PDSS2: variants seen among roughly 807,000 people sequenced by gnomAD.
PDSS2 encodes the protein all trans-polyprenyl-diphosphate synthase PDSS2.
A neutral mutation model predicts 44.5 loss-of-function variants in PDSS2; 31 were observed. The observed-to-expected ratio is 0.70, with a 90% CI of 0.52 to 0.94. The LOEUF is 0.94. Ranked by LOEUF, PDSS2 falls within the 40% of genes least tolerant of loss-of-function variation. PDSS2 has a pLI of 0.00. For synonymous variants in PDSS2, 157 were observed against 180.3 expected (o/e 0.87, Z 1.03); for missense variants, 452 against 482.2 (o/e 0.94, Z 0.59).
intron 6 of PDSS2, among the ~76,000 whole-genome samples, chr6:107,204,797 C>G (rs1772916358): frequency 6.6e-6 from 1 of 152,180 alleles, no homozygotes; most frequent in South Asian, 2.1e-4. Context: ...TATCTTATCT[C>G]CTCTCTACTG....
intron 1 of PDSS2, among the ~76,000 whole-genome samples, chr6:107,402,567 A>ATG (rs1554276841): frequency 1.0e-5 from 1 of 95,860 alleles, no homozygotes; most frequent in Non-Finnish European, 2.2e-5. Flanking sequence ...ATATATATAC[A>ATG]TGTGTATATA....
chr6:107,375,834 G>A (rs1779268461), intron 1 of PDSS2, among the ~76,000 whole-genome samples: 1 of 152,142 alleles, frequency 6.6e-6, no homozygotes, highest in Non-Finnish European at 1.5e-5. Context: ...GATACACCAT[G>A]ACCAAGTACA....
chr6:107,448,527 G>T (rs886397850), intron 1 of PDSS2, among the ~76,000 whole-genome samples: 3 of 152,128 alleles, frequency 2.0e-5, no homozygotes, highest in African/African-American at 4.8e-5. Context: ...GACCACCTCA[G>T]CCTGGATTTC....
chr6:107,279,570 G>A (rs2114969787), intron 2 of PDSS2, among the ~76,000 whole-genome samples: 1 of 152,226 alleles, frequency 6.6e-6, no homozygotes, highest in Non-Finnish European at 1.5e-5. Flanking sequence ...CAGACCCGTG[G>A]TCTTCTTGTC....
chr6:107,237,897 GAAAAAAAA>G (rs71551306), intron 4 of PDSS2, among the ~76,000 whole-genome samples: 1 of 80,688 alleles, frequency 1.2e-5, no homozygotes, highest in African/African-American at 4.3e-5. Context: ...CTCCGTCTCT[GAAAAAAAA>G]AAAAAAAAAA....
chr6:107,391,677 C>A (rs928070423), intron 1 of PDSS2, among the ~76,000 whole-genome samples: 2 of 151,972 alleles, frequency 1.3e-5, no homozygotes, highest in Non-Finnish European at 2.9e-5. Flanking sequence ...GAATTACTGC[C>A]AAAGTTACTT....
intron 4 of PDSS2, among the ~76,000 whole-genome samples, chr6:107,221,785 G>C (rs148225965): frequency 2.6e-5 from 4 of 152,282 alleles, no homozygotes; most frequent in African/African-American, 9.6e-5. Flanking sequence ...AACTGCACTT[G>C]TAACAGTGGC....
intron 7 of PDSS2, among the ~76,000 whole-genome samples, chr6:107,188,378 CAA>C (rs112224781): frequency 7.8e-5 from 10 of 128,542 alleles, no homozygotes; most frequent in South Asian, 2.5e-4. Flanking sequence ...GACCCTGTCT[CAA>C]AAAAAAAAAA....
chr6:107,444,199 T>C (rs1209628800), intron 1 of PDSS2, among the ~76,000 whole-genome samples: 2 of 151,874 alleles, frequency 1.3e-5, no homozygotes, highest in East Asian at 3.9e-4. Flanking sequence ...AGCTACTTTT[T>C]AATTTTTTTT....
chr6:107,388,914 G>A (rs1273261233), intron 1 of PDSS2, among the ~76,000 whole-genome samples: 1 of 152,300 alleles, frequency 6.6e-6, no homozygotes, highest in Middle Eastern at 3.4e-3. Flanking sequence ...CACACAATGA[G>A]ATGGATAAAT....
At chr6:107,284,196 G>A (rs1423028561) in intron 2 of PDSS2, among the ~76,000 whole-genome samples, 2 of 151,846 alleles carry the variant, frequency 1.3e-5, no homozygotes, top group Middle Eastern at 3.2e-3. Context: ...ATACAGAAAA[G>A]TACAGAGAAT....
chr6:107,305,621 G>C (rs939489077), intron 2 of PDSS2, among the ~76,000 whole-genome samples: 1 of 152,076 alleles, frequency 6.6e-6, no homozygotes, highest in Admixed American at 6.6e-5. Context: ...CAAGCAACAG[G>C]GATTCATGTA....
intron 1 of PDSS2, among the ~76,000 whole-genome samples, chr6:107,372,982 T>C (rs983151422): frequency 3.3e-5 from 4 of 121,236 alleles, no homozygotes; most frequent in African/African-American, 1.4e-4. Context: ...AGTCTAATAA[T>C]CTTTTTTTTT....
chr6:107,302,376 G>T (rs1776723485), intron 2 of PDSS2, among the ~76,000 whole-genome samples: 1 of 151,646 alleles, frequency 6.6e-6, no homozygotes, highest in African/African-American at 2.4e-5. Context: ...TGGGCTCAAA[G>T]GATCCTCCCA....
intron 2 of PDSS2, among the ~76,000 whole-genome samples, chr6:107,325,972 A>C (rs1777531126): frequency 6.6e-6 from 1 of 152,222 alleles, no homozygotes; most frequent in African/African-American, 2.4e-5. Context: ...CTCTGAGATA[A>C]ATACTACCAC....
chr6:107,279,935 C>T (rs1562430897), intron 2 of PDSS2, among the ~76,000 whole-genome samples: 1 of 152,104 alleles, frequency 6.6e-6, no homozygotes, highest in African/African-American at 2.4e-5. Flanking sequence ...TGATCTTATT[C>T]CTATTTTAGC....
intron 2 of PDSS2, 118 bp from the exon 3 acceptor site, chr6:107,274,345 A>G: frequency 1.3e-6 from 1 of 774,024 alleles, no homozygotes; most frequent in South Asian, 1.5e-5. Flanking sequence ...TTTTTTTTGG[A>G]TTATATCTTT....
intron 2 of PDSS2, among the ~76,000 whole-genome samples, chr6:107,285,792 G>A (rs975860232): frequency 6.6e-6 from 1 of 152,138 alleles, no homozygotes; most frequent in African/African-American, 2.4e-5. Flanking sequence ...TTATGGACAT[G>A]GGGTGAGATA....
chr6:107,377,555 T>G (rs909706249), intron 1 of PDSS2, among the ~76,000 whole-genome samples: 23 of 152,170 alleles, frequency 1.5e-4, no homozygotes, highest in African/African-American at 5.6e-4. Context: ...CAAAGGACTA[T>G]AAATCATGCT....
Sources: allele counts gnomAD v4.1 joint callset (sites outside exome capture counted in the v4.1 genomes callset), GRCh38; gene constraint gnomAD v4.1.1; transcripts MANE v1.5; gene names NCBI Gene and HGNC (gene_info 2026-07-23, HGNC 2026-07-21).